The following SMARCA2 variants were observed in gnomAD, a reference collection of about 807,000 sequenced individuals.
SMARCA2 encodes the protein SWI/SNF-related matrix-associated actin-dependent regulator of chromatin subfamily A member 2.
SMARCA2 carries 61 observed loss-of-function variants against 199.8 expected under a neutral mutation model. The observed-to-expected ratio is 0.31, with a 90% confidence interval of 0.25 to 0.38. SMARCA2 has a LOEUF of 0.38. Among genes scored for constraint, SMARCA2 ranks in the 10% least tolerant of loss-of-function variants. SMARCA2 has a pLI of 1.00. For missense variants in SMARCA2, 1,344 were observed against 2,012.2 expected (o/e 0.67, Z 6.35); for synonymous variants, 935 against 732.0 (o/e 1.28, Z -4.48).
At position 2,104,886 on chromosome 9, in the gene SMARCA2, A is replaced by C. The variant is rs1485728103; in HGVS notation, c.3292+717A>C. The stretch of plus-strand genomic sequence containing the variant: ...CATTTATACACAATGGAAGGGCATA[A>C]ATATGGCATTCAAAGAGTGGTAAGT... On this transcript the variant is annotated intron_variant, in intron 23 of 33. Transcript: ENST00000349721. The surrounding 1 kb of genome is among the most constrained non-coding windows in gnomAD (Gnocchi z 4.0). Among the ~76,000 whole-genome samples the C allele has an allele frequency of 2.0e-5, 3 of 152,208 alleles. No individual in the cohort carries two copies. The highest frequency in any genetic ancestry group is 7.2e-5 in the African/African-American group (3 of 41,440).
At position 2,153,607 on chromosome 9, in the gene SMARCA2, C is replaced by G. The variant is rs528928288; in HGVS notation, c.3982-8079C>G. Among the ~76,000 whole-genome samples the G allele has an allele frequency of 2.0e-5, 3 of 152,118 alleles. No individual in the cohort carries two copies. In the South Asian group the frequency reaches 6.2e-4, roughly 32 times the overall value. On this transcript the variant is annotated intron_variant, in intron 27 of 33. Coordinates refer to ENST00000349721, the MANE Select transcript of SMARCA2 (RefSeq NM_003070.5). Reference sequence around the variant, plus strand: ...TAGGGAAATGAAACATTTTAATGCTCAATGTTTTTAATATTTTAAATTACT... The same window carrying G: ...TAGGGAAATGAAACATTTTAATGCTGAATGTTTTTAATATTTTAAATTACT...
intron 3 of SMARCA2, among the ~76,000 whole-genome samples, chr9:2,038,051 C>T (rs1030351232): frequency 6.6e-6 from 1 of 152,188 alleles, no homozygotes; most frequent in African/African-American, 2.4e-5. Flanking sequence ...ATAAACCAAA[C>T]AGTTTACTCT....
At chr9:2,065,787 T>C (rs1033112401) in intron 9 of SMARCA2, among the ~76,000 whole-genome samples, 5 of 152,224 alleles carry the variant, frequency 3.3e-5, no homozygotes, top group Non-Finnish European at 4.4e-5. Flanking sequence ...GAAAGAAAGG[T>C]TCTAATGTAA....
chr9:2,090,175 C>G (rs1821990788), intron 19 of SMARCA2, among the ~76,000 whole-genome samples: 1 of 152,116 alleles, frequency 6.6e-6, no homozygotes, highest in African/African-American at 2.4e-5. Flanking sequence ...ATGGTTCTTT[C>G]TACAAGAGAA....
intron 32 of SMARCA2, 139 bp from the exon 33 acceptor site, chr9:2,191,127 C>T (rs770208799): frequency 2.5e-6 from 2 of 801,620 alleles, no homozygotes; most frequent in South Asian, 3.4e-5. Flanking sequence ...CAGAACCACA[C>T]AGAACAGGCA....
rs1823556730 is a variant in SMARCA2, at chr9:2,123,549, A to G, written c.3763-170A>G. Among the ~76,000 whole-genome samples the G allele has an allele frequency of 6.6e-6, 1 of 152,166 alleles. No homozygotes were observed. Among genetic ancestry groups the G allele is most frequent in the South Asian group, 2.1e-4 (1 of 4,828 alleles). On this transcript the variant is annotated intron_variant, in intron 26 of 33. Coordinates refer to ENST00000349721, the MANE Select transcript of SMARCA2 (RefSeq NM_003070.5). This position sits in a 1 kb window ranked among gnomAD's most constrained non-coding sequence, Gnocchi z 4.1. ...AAAGGGAGGGGATTTTACTTAATGG[A>G]ATCTCTCCCTAGATATTTAGGGATG...
chr9:2,129,966 A>T (rs1386492608), intron 27 of SMARCA2, among the ~76,000 whole-genome samples: 1 of 151,998 alleles, frequency 6.6e-6, no homozygotes, highest in East Asian at 1.9e-4. Flanking sequence ...CAATCCTCCT[A>T]CCTCAGCCTC....
At chr9:2,102,961 G>GTTTT (rs111370241) in intron 22 of SMARCA2, among the ~76,000 whole-genome samples, 1 of 137,578 alleles carries the variant, frequency 7.3e-6, no homozygotes. Context: ...CATGCTCCCT[G>GTTTT]TTTTTTTTTT....
intron 1 of SMARCA2, among the ~76,000 whole-genome samples, chr9:2,020,927 G>A (rs1057241466): frequency 6.6e-6 from 1 of 152,104 alleles, no homozygotes. Flanking sequence ...ATGTCCTTCT[G>A]GACTTCTGGG....
intron 5 of SMARCA2, among the ~76,000 whole-genome samples, chr9:2,050,388 T>G (rs577112742): frequency 2.1e-4 from 32 of 152,112 alleles, no homozygotes; most frequent in Non-Finnish European, 3.8e-4. Context: ...CTAACTTCGC[T>G]TTCTTCTATT....
rs990814647 is a variant in SMARCA2, at chr9:2,123,311, G to T, written c.3763-408G>T. Among the ~76,000 whole-genome samples the T allele has an allele frequency of 6.6e-6, 1 of 151,936 alleles. No individual in the cohort carries two copies. The highest frequency in any genetic ancestry group is 1.5e-5 in the Non-Finnish European group (1 of 67,994). The stretch of plus-strand genomic sequence containing the variant: ...TTGAATAAAAGGAAACTTTCTTAAA[G>T]ATCTTTCTTTTCTTTACTCAAAGAA... On this transcript the variant is annotated intron_variant, in intron 26 of 33. Transcript: ENST00000349721. This position sits in a 1 kb window ranked among gnomAD's most constrained non-coding sequence, Gnocchi z 4.1.
Position 2,121,564 on chromosome 9 carries a change from C to G in SMARCA2, c.3762+2029C>G, listed in dbSNP as rs947192421. On this transcript the variant is annotated intron_variant, in intron 26 of 33. Transcript: ENST00000349721. ...GTGAGAAACAAGAATGGAATGTGAG[C>G]TAGAATAAATCTTTGGATTTTAAAT... 3.3e-5 allele frequency among the ~76,000 whole-genome samples: 5 copies of G among 152,130 alleles called. No homozygotes were observed. The South Asian group carries it at 6.2e-4, about 19-fold the overall frequency.
chr9:2,186,145 A>G lies in SMARCA2; in HGVS notation c.4511A>G (p.Gln1504Arg), dbSNP rs751123196. 6.2e-7 allele frequency: 1 copy of G among 1,614,096 alleles called. No homozygotes were observed. The highest frequency in any genetic ancestry group is 8.5e-7 in the Non-Finnish European group (1 of 1,179,922). ...VLQSVFKSARQKIAKEEESED... is the reference protein window; with the variant it reads ...VLQSVFKSARRKIAKEEESED... Reference sequence around the variant, plus strand: ...CAGTCAGTGTTTAAGAGTGCCCGGCAGAAAATTGCCAAAGAGGAAGAGAGT... The same window carrying G: ...CAGTCAGTGTTTAAGAGTGCCCGGCGGAAAATTGCCAAAGAGGAAGAGAGT... Residue 1504 changes from glutamine to arginine, a missense_variant, in exon 32 of 34, where the codon CAG becomes CGG. By Grantham distance (43) the Gln-to-Arg change is conservative. Coordinates refer to ENST00000349721, the MANE Select transcript of SMARCA2 (RefSeq NM_003070.5).
At chr9:2,064,428 C>G (rs961029898) in intron 9 of SMARCA2, among the ~76,000 whole-genome samples, 5 of 152,150 alleles carry the variant, frequency 3.3e-5, no homozygotes, top group African/African-American at 1.2e-4. Flanking sequence ...AGAATACACC[C>G]TAACATATAG....
chr9:2,160,859 C>CAA, intron 27 of SMARCA2: 1 of 303,826 alleles, frequency 3.3e-6, no homozygotes. Flanking sequence ...TATTTTTCTT[C>CAA]TTTTGAGTTT....
At chr9:2,143,451 A>C (rs756871040) in intron 27 of SMARCA2, among the ~76,000 whole-genome samples, 33 of 152,236 alleles carry the variant, frequency 2.2e-4, no homozygotes, top group Non-Finnish European at 4.6e-4. Flanking sequence ...AGCAGAGAGA[A>C]GATACCATTT....
rs573868737 is a variant in SMARCA2 at position 2,175,909 on chromosome 9, C to T, written c.4253+5437C>T. On this transcript the variant is annotated intron_variant, in intron 29 of 33. Transcript: ENST00000349721. The stretch of plus-strand genomic sequence containing the variant: ...TTGTTTGTTTTTTGAGATGAAGTTT[C>T]GCTCTTGTTGCCCAAGCTGGAGTGC... Among the ~76,000 whole-genome samples the T allele has an allele frequency of 2.6e-5, 4 of 151,846 alleles. No individual in the cohort carries two copies. In the South Asian group the frequency reaches 6.2e-4, roughly 24 times the overall value.
intron 31 of SMARCA2, among the ~76,000 whole-genome samples, chr9:2,183,891 A>T (rs1827235994): frequency 6.6e-6 from 1 of 152,172 alleles, no homozygotes; most frequent in Non-Finnish European, 1.5e-5. Context: ...ATATGGCATT[A>T]TTATGATATA....
At chr9:2,191,541 C>A in intron 33 of SMARCA2, 133 bp downstream of exon 33, 1 of 970,664 alleles carries the variant, frequency 1.0e-6, no homozygotes, top group Non-Finnish European at 1.6e-6. Flanking sequence ...AGTGAGATTT[C>A]ATTATTGAGG....
Sources: allele counts gnomAD v4.1 joint callset (sites outside exome capture counted in the v4.1 genomes callset), GRCh38; gene constraint gnomAD v4.1.1; non-coding constraint Gnocchi (gnomAD v3.1); transcripts MANE v1.5; gene names NCBI Gene and HGNC (gene_info 2026-07-23, HGNC 2026-07-21).